Variants in FAM219A observed in about 807,000 individuals in gnomAD.
FAM219A encodes family with sequence similarity 219 member A.
A neutral mutation model predicts 23.4 loss-of-function variants in FAM219A; 7 were observed. That is an observed-to-expected ratio of 0.30 (90% CI 0.17 to 0.56). FAM219A has a LOEUF of 0.56. Ranked by LOEUF, FAM219A falls within the 20% of genes least tolerant of loss-of-function variation. The pLI is 0.92. For missense variants in FAM219A, 166 were observed against 246.9 expected (o/e 0.67, Z 2.20); for synonymous variants, 93 against 99.0 (o/e 0.94, Z 0.36).
At chr9:34,434,075 G>A (rs1054504368) in intron 1 of FAM219A, among the ~76,000 whole-genome samples, 19 of 151,924 alleles carry the variant, frequency 1.3e-4, no homozygotes, top group African/African-American at 3.9e-4. Context: ...GGTGGCGGGC[G>A]TCTGTAGTCC....
chr9:34,416,879 A>T (rs867235699), intron 1 of FAM219A, among the ~76,000 whole-genome samples: 6 of 132,366 alleles, frequency 4.5e-5, no homozygotes, highest in Non-Finnish European at 1.5e-5. Context: ...TGCAGCGGCT[A>T]TTCACAGGCA....
At chr9:34,444,960 A>G (rs1053966704) in intron 1 of FAM219A, among the ~76,000 whole-genome samples, 4 of 152,172 alleles carry the variant, frequency 2.6e-5, no homozygotes, top group Non-Finnish European at 4.4e-5. Context: ...TGCTTTATTC[A>G]TCATTTTACT....
rs184553727 is a variant in FAM219A, at chr9:34,441,576, C to T, written c.60+16628G>A. Reference sequence around the variant, plus strand: ...AAGCAGACCTAAAGGAGAGAGGGCCCGAGACCAGGTGATACCTGTGGGGGT... The same window carrying T: ...AAGCAGACCTAAAGGAGAGAGGGCCTGAGACCAGGTGATACCTGTGGGGGT... On this transcript the variant is annotated intron_variant, in intron 1 of 5. Coordinates refer to ENST00000651358, the MANE Select transcript of FAM219A (RefSeq NM_001184940.2). Among the ~76,000 whole-genome samples the T allele has an allele frequency of 4.7e-3, 722 of 152,150 alleles. 6 individuals are homozygous for T. Among genetic ancestry groups the T allele is most frequent in the Non-Finnish European group, 6.9e-3 (466 of 68,006 alleles).
At chr9:34,447,505 C>T (rs547483665) in intron 1 of FAM219A, among the ~76,000 whole-genome samples, 1 of 152,158 alleles carries the variant, frequency 6.6e-6, no homozygotes, top group South Asian at 2.1e-4. Flanking sequence ...GCCAGTGTCC[C>T]GGGAAATGGT....
chr9:34,398,478 C>A lies in FAM219A; in HGVS notation c.*2486G>T. 8.8e-7 allele frequency: 1 copy of A among 1,137,192 alleles called. No individual in the cohort carries two copies. The highest frequency in any genetic ancestry group is 1.3e-6 in the Non-Finnish European group (1 of 794,546). The allele number at this position is 1,137,192 out of a possible 1,614,324, so 70.4% of individuals were successfully genotyped here. The stretch of plus-strand genomic sequence containing the variant: ...AGACAGGGAAGGAGGGAGCCACACC[C>A]CTCCCTAGACACAGAAGCTGCCACT... On this transcript the variant is annotated 3_prime_UTR_variant, in exon 6 of 6. Coordinates refer to ENST00000651358, the MANE Select transcript of FAM219A (RefSeq NM_001184940.2).
intron 2 of FAM219A, among the ~76,000 whole-genome samples, chr9:34,404,033 T>A (rs968793308): frequency 6.6e-6 from 1 of 152,198 alleles, no homozygotes; most frequent in African/African-American, 2.4e-5. Context: ...ACTGGGACAA[T>A]GCTGTGAATT....
At chr9:34,402,864 C>A in intron 2 of FAM219A, 57 bp from the exon 3 acceptor site, 1 of 1,527,832 alleles carries the variant, frequency 6.5e-7, no homozygotes, top group Non-Finnish European at 9.0e-7. Context: ...CCCTGTCTTA[C>A]TACTCAGGGC....
chr9:34,423,470 C>G (rs1252795483), intron 1 of FAM219A, among the ~76,000 whole-genome samples: 1 of 152,142 alleles, frequency 6.6e-6, no homozygotes, highest in Non-Finnish European at 1.5e-5. Flanking sequence ...AAGAACAGGT[C>G]AATTTTACTA....
chr9:34,416,907 A>C (rs190426940), intron 1 of FAM219A, among the ~76,000 whole-genome samples: 69 of 149,798 alleles, frequency 4.6e-4, no homozygotes, highest in African/African-American at 1.6e-3. Flanking sequence ...AGCTTACTAC[A>C]GCCTTGAACT....
chr9:34,449,750 G>C (rs1823494792), intron 1 of FAM219A, among the ~76,000 whole-genome samples: 1 of 152,204 alleles, frequency 6.6e-6, no homozygotes, highest in Non-Finnish European at 1.5e-5. Context: ...AGTTAAATAA[G>C]CTTGGGAAAC....
At chr9:34,405,029 A>G (rs1225530707) in intron 2 of FAM219A, among the ~76,000 whole-genome samples, 1 of 152,230 alleles carries the variant, frequency 6.6e-6, no homozygotes, top group East Asian at 1.9e-4. Context: ...GATGGACAGG[A>G]GGGTGGCCTT....
chr9:34,406,078 C>A, intron 1 of FAM219A, 114 bp from the exon 2 acceptor site: 1 of 1,117,280 alleles, frequency 9.0e-7, no homozygotes, highest in East Asian at 2.5e-5. Context: ...GAGCATTCAC[C>A]CCTCAGAGCA....
At position 34,424,861 on chromosome 9, in the gene FAM219A, T is replaced by G. The variant is rs184000765; in HGVS notation, c.61-18897A>C. Among the ~76,000 whole-genome samples, 40 of 152,228 alleles carry G rather than the reference T, an allele frequency of 2.6e-4. No homozygotes were observed. In the East Asian group the frequency reaches 5.2e-3, roughly 20 times the overall value. On this transcript the variant is annotated intron_variant, in intron 1 of 5. Transcript: ENST00000651358. Reference sequence around the variant, plus strand: ...TCTCACTCTGTCACTCAGGCTGGAGTGCAATGGCACGACCTCAGGTCACTG... The same window carrying G: ...TCTCACTCTGTCACTCAGGCTGGAGGGCAATGGCACGACCTCAGGTCACTG...
At chr9:34,438,125 G>T (rs1822997483) in intron 1 of FAM219A, among the ~76,000 whole-genome samples, 1 of 152,238 alleles carries the variant, frequency 6.6e-6, no homozygotes, top group Non-Finnish European at 1.5e-5. Flanking sequence ...CACGGGCGCT[G>T]TGCTCGATTT....
chr9:34,448,071 A>G (rs1183623667), intron 1 of FAM219A, among the ~76,000 whole-genome samples: 1 of 151,624 alleles, frequency 6.6e-6, no homozygotes, highest in East Asian at 2.0e-4. Flanking sequence ...GGGTCTCACT[A>G]TGTTGCCCAG....
intron 1 of FAM219A, among the ~76,000 whole-genome samples, chr9:34,451,421 G>A (rs1823556632): frequency 6.6e-6 from 1 of 152,122 alleles, no homozygotes; most frequent in South Asian, 2.1e-4. Flanking sequence ...CTGGTTATCT[G>A]CCTCAGCCCA....
chr9:34,405,717 C>G, intron 2 of FAM219A, 148 bp downstream of exon 2: 1 of 714,846 alleles, frequency 1.4e-6, no homozygotes, highest in Non-Finnish European at 2.3e-6. Context: ...CTGCAGGAGA[C>G]AAGGTGCCTC....
intron 1 of FAM219A, among the ~76,000 whole-genome samples, chr9:34,426,983 T>C (rs1418948102): frequency 6.6e-6 from 1 of 151,880 alleles, no homozygotes; most frequent in African/African-American, 2.4e-5. Context: ...AGGCTAAGAA[T>C]GATGGCAAAG....
rs1252430224 is a variant in FAM219A, at chr9:34,398,811, G to T, written c.*2153C>A. 2 of 194,282 alleles carry T rather than the reference G, an allele frequency of 1.0e-5. No individual in the cohort carries two copies. Among genetic ancestry groups the T allele is most frequent in the Non-Finnish European group, 2.2e-5 (2 of 92,142 alleles). The allele number at this position is 194,282 out of a possible 1,614,324, so 12.0% of individuals were successfully genotyped here. A position where few individuals can be genotyped will look rare whatever the true frequency, so the allele number is the denominator to read the frequency against. On this transcript the variant is annotated 3_prime_UTR_variant, in exon 6 of 6. Coordinates refer to ENST00000651358, the MANE Select transcript of FAM219A (RefSeq NM_001184940.2). ...GGGGCACAGGGGTTGGGGGGATGTT[G>T]ATCTGGGTGGGAGAGGTGGGTTCAG...
Sources: gnomAD v4.1 joint callset for allele counts (sites outside exome capture counted in the v4.1 genomes callset) on GRCh38, gnomAD v4.1.1 for gene constraint, MANE v1.5 for transcripts, NCBI Gene and HGNC (gene_info 2026-07-23, HGNC 2026-07-21) for gene names.